BABAM2: variants seen among roughly 807,000 people sequenced by gnomAD.
BABAM2 encodes BRISC and BRCA1-A complex member 2.
A neutral mutation model predicts 54.7 loss-of-function variants in BABAM2; 31 were observed. That is an observed-to-expected ratio of 0.57 (90% CI 0.43 to 0.77). BABAM2 has a LOEUF of 0.77. Among genes scored for constraint, BABAM2 ranks in the 30% least tolerant of loss-of-function variants. BABAM2 has a pLI of 0.00. For missense variants in BABAM2, 364 were observed against 455.8 expected, an observed-to-expected ratio of 0.80 and a Z score of 1.83; for synonymous variants, 167 against 162.9, an observed-to-expected ratio of 1.03 and a Z score of -0.19.
At chr2:28,112,837 C>T (rs532696307) in intron 6 of BABAM2, among the ~76,000 whole-genome samples, 6 of 152,268 alleles carry the variant, frequency 3.9e-5, no homozygotes, top group South Asian at 4.2e-4. Context: ...TAAAAGTGTT[C>T]GTATTTCTCC....
chr2:28,314,833 G>C (rs1689377853), intron 11 of BABAM2, among the ~76,000 whole-genome samples: 1 of 152,006 alleles, frequency 6.6e-6, no homozygotes, highest in Admixed American at 6.6e-5. Context: ...GATTTGATGT[G>C]CAGAGAGGGG....
At chr2:27,897,343 A>G (rs1665416318) in intron 2 of BABAM2, 1 of 152,344 alleles carries the variant, frequency 6.6e-6, no homozygotes, top group South Asian at 2.1e-4. Context: ...AAGATAAAAA[A>G]CTAAGACACT....
rs2002406 is a variant in BABAM2, at chr2:28,326,834, C to T, written c.1089-11616C>T. Among the ~76,000 whole-genome samples, 79 of 152,296 alleles carry T rather than the reference C, an allele frequency of 5.2e-4. 1 individual carries two copies. Among genetic ancestry groups the T allele is most frequent in the African/African-American group, 1.6e-3 (68 of 41,564 alleles). ...CCTATGCTAACGTGCCATTAGGATACGCAGTGTCACAGGAACCATCCTAAC... is the reference window on the plus strand; with the variant it reads ...CCTATGCTAACGTGCCATTAGGATATGCAGTGTCACAGGAACCATCCTAAC... On this transcript the variant is annotated intron_variant, in intron 11 of 11. Coordinates refer to ENST00000379624, the MANE Select transcript of BABAM2 (RefSeq NM_199191.3).
intron 7 of BABAM2, among the ~76,000 whole-genome samples, chr2:28,230,741 A>G (rs1402363013): frequency 3.3e-5 from 5 of 150,834 alleles, no homozygotes; most frequent in African/African-American, 1.2e-4. Flanking sequence ...AGAAGAAGAA[A>G]GTAAGAAAAC....
chr2:28,123,786 C>T (rs1383969141), intron 6 of BABAM2, among the ~76,000 whole-genome samples: 1 of 152,154 alleles, frequency 6.6e-6, no homozygotes, highest in African/African-American at 2.4e-5. Context: ...ACAGGAATAA[C>T]ACATATAAAA....
intron 7 of BABAM2, among the ~76,000 whole-genome samples, chr2:28,152,137 T>C (rs1281649796): frequency 1.3e-5 from 2 of 152,244 alleles, no homozygotes; most frequent in Admixed American, 1.3e-4. Flanking sequence ...ACCCCTTTTC[T>C]ATCCCCCAAA....
intron 11 of BABAM2, among the ~76,000 whole-genome samples, chr2:28,311,260 C>CAAAAAA (rs11309935): frequency 9.0e-6 from 1 of 110,502 alleles, no homozygotes. Context: ...GACCCTGTCT[C>CAAAAAA]AAAAAAAAAA....
chr2:27,986,865 G>A (rs562656319), intron 3 of BABAM2, among the ~76,000 whole-genome samples: 3 of 152,182 alleles, frequency 2.0e-5, no homozygotes, highest in African/African-American at 7.2e-5. Context: ...TTAGATTGTC[G>A]ATAAACTAAT....
intron 3 of BABAM2, among the ~76,000 whole-genome samples, chr2:27,938,734 T>C (rs1223806562): frequency 6.6e-6 from 1 of 152,082 alleles, no homozygotes; most frequent in Non-Finnish European, 1.5e-5. Context: ...GGAAACCTAA[T>C]TATACTGTAA....
chr2:28,025,437 A>G lies in BABAM2; in HGVS notation c.495+17A>G. ...AACAACTGGGTAAGGATTTTTGAGA[A>G]TGGAAAAAAAGATGACTTCATCCAT... On this transcript the variant is annotated intron_variant, in intron 5 of 11. Coordinates refer to ENST00000379624, the MANE Select transcript of BABAM2 (RefSeq NM_199191.3). 2 of 1,547,744 alleles carry G rather than the reference A, an allele frequency of 1.3e-6. No homozygotes were observed. The highest frequency in any genetic ancestry group is 1.4e-5 in the African/African-American group (1 of 71,900).
intron 6 of BABAM2, among the ~76,000 whole-genome samples, chr2:28,104,639 T>C (rs913231036): frequency 4.5e-4 from 69 of 152,228 alleles, no homozygotes; most frequent in Non-Finnish European, 7.6e-4. Flanking sequence ...GGCGATTCCT[T>C]AGGGATCTAG....
chr2:28,160,277 G>A (rs1322543890), intron 7 of BABAM2, among the ~76,000 whole-genome samples: 1 of 152,196 alleles, frequency 6.6e-6, no homozygotes, highest in Non-Finnish European at 1.5e-5. Context: ...CACTGCGCCT[G>A]GCCATGATTG....
At chr2:27,892,822 C>G (rs11895255) in intron 1 of BABAM2, among the ~76,000 whole-genome samples, 3,378 of 152,112 alleles carry the variant, frequency 0.022, 112 homozygotes, top group African/African-American at 0.076. Flanking sequence ...GGGGGGCGGT[C>G]ATCTGTTAAG....
At chr2:28,115,409 G>A (rs1042326377) in intron 6 of BABAM2, among the ~76,000 whole-genome samples, 3 of 151,934 alleles carry the variant, frequency 2.0e-5, no homozygotes, top group Non-Finnish European at 2.9e-5. Context: ...GGCGGATCAC[G>A]AGGTCAGGAG....
chr2:27,940,926 A>AC (rs950987367), intron 3 of BABAM2, among the ~76,000 whole-genome samples: 2 of 151,668 alleles, frequency 1.3e-5, no homozygotes, highest in African/African-American at 4.8e-5. Flanking sequence ...CCGCCCCTCC[A>AC]CCCCAACCAA....
chr2:28,182,656 C>T (rs1675776080), intron 7 of BABAM2, among the ~76,000 whole-genome samples: 1 of 152,206 alleles, frequency 6.6e-6, no homozygotes, highest in Non-Finnish European at 1.5e-5. Context: ...TATGCAGTTA[C>T]TGCGGACTGC....
intron 10 of BABAM2, among the ~76,000 whole-genome samples, chr2:28,245,751 G>T (rs1333639385): frequency 6.6e-6 from 1 of 152,144 alleles, no homozygotes. Context: ...ATGGCTTTTA[G>T]AACTTACCCT....
At chr2:27,919,487 G>A (rs997269698) in intron 2 of BABAM2, among the ~76,000 whole-genome samples, 27 of 152,064 alleles carry the variant, frequency 1.8e-4, no homozygotes, top group African/African-American at 6.3e-4. Context: ...TAAGTTTTTT[G>A]TAGATAGCTT....
chr2:28,079,831 G>A (rs577759589), intron 6 of BABAM2, among the ~76,000 whole-genome samples: 218 of 152,144 alleles, frequency 1.4e-3, no homozygotes, highest in African/African-American at 5.1e-3. Flanking sequence ...TAGGGTTTAC[G>A]TTTTCACATA....
Sources: gnomAD v4.1 joint callset for allele counts (sites outside exome capture counted in the v4.1 genomes callset) on GRCh38, gnomAD v4.1.1 for gene constraint, MANE v1.5 for transcripts, NCBI Gene and HGNC (gene_info 2026-07-23, HGNC 2026-07-21) for gene names.